The following TAFA2 variants were observed in gnomAD, a reference collection of about 807,000 sequenced individuals.
TAFA2 encodes TAFA chemokine like family member 2.
TAFA2 carries 7 observed loss-of-function variants against 18.8 expected under a neutral mutation model. The ratio of observed to expected loss-of-function variants is 0.37; its 90% CI spans 0.21 to 0.70. TAFA2 has a LOEUF of 0.70. Ranked by LOEUF, TAFA2 falls within the 30% of genes least tolerant of loss-of-function variation. The probability of loss-of-function intolerance (pLI) is 0.53; values close to 1 mark genes in which losing one functional copy is unlikely to be tolerated. For missense variants in TAFA2, 122 were observed against 158.1 expected, an observed-to-expected ratio of 0.77 and a Z score of 1.23; for synonymous variants, 60 against 54.2, an observed-to-expected ratio of 1.11 and a Z score of -0.47.
chr12:61,915,225 T>C (rs1876773432), intron 1 of TAFA2, among the ~76,000 whole-genome samples: 1 of 152,186 alleles, frequency 6.6e-6, no homozygotes, highest in Non-Finnish European at 1.5e-5. Flanking sequence ...CTTGTAACTT[T>C]CTTTACAATT....
chr12:61,861,380 G>A (rs1449359920), intron 2 of TAFA2, among the ~76,000 whole-genome samples: 1 of 151,676 alleles, frequency 6.6e-6, no homozygotes, highest in Non-Finnish European at 1.5e-5. Flanking sequence ...CTCCCGAGTA[G>A]CTGGGACTAC....
At chr12:62,159,724 G>C (rs565049546) in intron 1 of TAFA2, among the ~76,000 whole-genome samples, 1 of 151,976 alleles carries the variant, frequency 6.6e-6, no homozygotes, top group Non-Finnish European at 1.5e-5. Flanking sequence ...GTGGGAGGGG[G>C]ATGAGGGATA....
intron 2 of TAFA2, among the ~76,000 whole-genome samples, chr12:61,812,314 C>G (rs1401684492): frequency 6.6e-6 from 1 of 151,546 alleles, no homozygotes; most frequent in Non-Finnish European, 1.5e-5. Context: ...CAAGTCAAGA[C>G]CCTCCCAGTC....
Position 61,958,572 on chromosome 12 carries a change from T to C in TAFA2, c.-1-91146A>G, listed in dbSNP as rs940345581. Among the ~76,000 whole-genome samples the C allele has an allele frequency of 3.9e-5, 6 of 152,134 alleles. No homozygotes were observed. In the East Asian group the frequency reaches 1.2e-3, roughly 29 times the overall value. On this transcript the variant is annotated intron_variant, in intron 1 of 4. Coordinates refer to ENST00000416284, the MANE Select transcript of TAFA2 (RefSeq NM_178539.5). Reference sequence around the variant, plus strand: ...TTTATTTGCATTTCCTACATATATATTTAAGTATCTCTTTATTTGTCTGTT... The same window carrying C: ...TTTATTTGCATTTCCTACATATATACTTAAGTATCTCTTTATTTGTCTGTT...
chr12:61,871,058 G>T (rs1187580289), intron 1 of TAFA2, among the ~76,000 whole-genome samples: 2 of 152,096 alleles, frequency 1.3e-5, no homozygotes, highest in African/African-American at 4.8e-5. Context: ...TAACATGAGA[G>T]GAAGGAAGTG....
At chr12:61,716,383 T>G (rs1458614097) in intron 4 of TAFA2, among the ~76,000 whole-genome samples, 1 of 152,198 alleles carries the variant, frequency 6.6e-6, no homozygotes, top group Non-Finnish European at 1.5e-5. Context: ...GGGATATTAT[T>G]ATGCCAAAAA....
rs1402120723 is a variant in TAFA2, at chr12:61,725,865, C to T, written c.385-15448G>A. On this transcript the variant is annotated intron_variant, in intron 4 of 4. Coordinates refer to ENST00000416284, the MANE Select transcript of TAFA2 (RefSeq NM_178539.5). ...TTCTCACTTATCAGTGAAAGCTAAG[C>T]TATGCAGACACAAAGGCATAAGAAT... Among the ~76,000 whole-genome samples the T allele has an allele frequency of 2.6e-5, 4 of 152,110 alleles. No individual in the cohort carries two copies. In the East Asian group the frequency reaches 7.7e-4, roughly 29 times the overall value.
At chr12:61,730,628 A>T (rs1362133024) in intron 4 of TAFA2, among the ~76,000 whole-genome samples, 1 of 151,914 alleles carries the variant, frequency 6.6e-6, no homozygotes, top group Non-Finnish European at 1.5e-5. Context: ...AGGCCAATCG[A>T]TTCATGTTAC....
At chr12:62,092,293 C>T (rs531197240) in intron 1 of TAFA2, among the ~76,000 whole-genome samples, 2 of 151,884 alleles carry the variant, frequency 1.3e-5, no homozygotes, top group Non-Finnish European at 2.9e-5. Context: ...TCACCCCACT[C>T]CCCCTGTAAC....
At chr12:61,715,628 A>C (rs1036386006) in intron 4 of TAFA2, among the ~76,000 whole-genome samples, 1 of 151,972 alleles carries the variant, frequency 6.6e-6, no homozygotes, top group Admixed American at 6.6e-5. Flanking sequence ...CTAGGTTTAC[A>C]GGCATGAGCC....
intron 1 of TAFA2, among the ~76,000 whole-genome samples, chr12:62,250,822 A>G (rs951932930): frequency 6.6e-6 from 1 of 152,148 alleles, no homozygotes; most frequent in African/African-American, 2.4e-5. Flanking sequence ...GGTCTTGCAT[A>G]GTTAGGCTTG....
intron 1 of TAFA2, among the ~76,000 whole-genome samples, chr12:62,232,671 C>T (rs1477407812): frequency 6.6e-6 from 1 of 152,044 alleles, no homozygotes; most frequent in Non-Finnish European, 1.5e-5. Context: ...ACCATCATGC[C>T]CGGCTAATTT....
intron 1 of TAFA2, chr12:62,235,392 G>A: frequency 1.5e-6 from 1 of 647,490 alleles, no homozygotes; most frequent in African/African-American, 1.8e-5. Context: ...GGAGCTTCCA[G>A]AAGATGAGTC....
chr12:62,168,542 C>G (rs1216512157), intron 1 of TAFA2, among the ~76,000 whole-genome samples: 1 of 152,124 alleles, frequency 6.6e-6, no homozygotes, highest in Non-Finnish European at 1.5e-5. Flanking sequence ...TACAGGCCAA[C>G]AGTTATTTAA....
intron 1 of TAFA2, among the ~76,000 whole-genome samples, chr12:62,044,210 A>G (rs1241947093): frequency 3.3e-5 from 5 of 152,054 alleles, no homozygotes; most frequent in East Asian, 1.9e-4. Flanking sequence ...TCTACTCCTC[A>G]TGTATTTCCT....
At chr12:62,017,992 A>T (rs1274693765) in intron 1 of TAFA2, among the ~76,000 whole-genome samples, 1 of 152,190 alleles carries the variant, frequency 6.6e-6, no homozygotes, top group Admixed American at 6.5e-5. Flanking sequence ...AGATTTCCCA[A>T]GATATTTATG....
intron 1 of TAFA2, among the ~76,000 whole-genome samples, chr12:62,074,103 C>T (rs1194693819): frequency 6.6e-6 from 1 of 152,188 alleles, no homozygotes; most frequent in African/African-American, 2.4e-5. Context: ...TTAACTTATG[C>T]AGCACAGTCA....
intron 1 of TAFA2, among the ~76,000 whole-genome samples, chr12:62,001,612 G>A (rs140498053): frequency 9.5e-4 from 144 of 152,056 alleles, no homozygotes; most frequent in Non-Finnish European, 1.8e-3. Context: ...TCTGGCAGGC[G>A]GTGGAGCTCA....
At chr12:62,153,499 C>T (rs1405247113) in intron 1 of TAFA2, among the ~76,000 whole-genome samples, 3 of 151,548 alleles carry the variant, frequency 2.0e-5, no homozygotes, top group African/African-American at 7.3e-5. Context: ...CCCATCTCTA[C>T]AAAAAAAATT....
Sources: allele counts gnomAD v4.1 joint callset (sites outside exome capture counted in the v4.1 genomes callset), GRCh38; gene constraint gnomAD v4.1.1; transcripts MANE v1.5; gene names NCBI Gene and HGNC (gene_info 2026-07-23, HGNC 2026-07-21).